NEBL: variants seen among roughly 807,000 people sequenced by gnomAD.
NEBL encodes LIM and SH3 protein 2.
A neutral mutation model predicts 140.2 loss-of-function variants in NEBL; 122 were observed. That is an observed-to-expected ratio of 0.87 (90% confidence interval 0.75 to 1.01). The LOEUF (loss-of-function observed/expected upper bound fraction) is 1.01, where lower values mean the gene tolerates loss of function less well. Ranked by LOEUF, NEBL falls within the 50% of genes least tolerant of loss-of-function variation. The pLI, the probability that NEBL is intolerant of heterozygous loss-of-function variation, is 0.00. For missense variants in NEBL, 1,365 were observed against 1,231.3 expected (o/e 1.11, Z -1.62); for synonymous variants, 436 against 398.9 (o/e 1.09, Z -1.11).
chr10:21,096,310 T>C (rs992103877), intron 2 of NEBL, among the ~76,000 whole-genome samples: 1 of 152,188 alleles, frequency 6.6e-6, no homozygotes, highest in Admixed American at 6.5e-5. Flanking sequence ...CCTTGTTGGA[T>C]ATACATGGAA....
intron 3 of NEBL, among the ~76,000 whole-genome samples, chr10:21,000,191 G>C (rs1445866252): frequency 8.5e-6 from 1 of 117,850 alleles, no homozygotes; most frequent in Non-Finnish European, 1.7e-5. Flanking sequence ...GGGGGATAGA[G>C]GGGGAATAGA....
intron 3 of NEBL, among the ~76,000 whole-genome samples, chr10:21,011,208 A>T (rs1005425925): frequency 9.9e-5 from 15 of 152,206 alleles, no homozygotes; most frequent in Non-Finnish European, 7.4e-5. Flanking sequence ...AGTGGCAGGG[A>T]CAGGGGGAGA....
In NEBL at chr10:21,065,637, C is replaced by G. The variant is rs533087215; in HGVS notation, c.165-45436G>C. ...CAAAACCTGTCACATCCACCTCTAG[C>G]ATCTTCACACAAAGCCAGTGGCATT... On this transcript the variant is annotated intron_variant, in intron 2 of 6. Coordinates refer to the NEBL transcript ENST00000417816. Among the ~76,000 whole-genome samples, 7 of 152,340 alleles carry G rather than the reference C, an allele frequency of 4.6e-5. No homozygotes were observed. The South Asian group carries it at 1.4e-3, about 32-fold the overall frequency.
chr10:21,288,205 A>C (rs185764719), intron 1 of NEBL, among the ~76,000 whole-genome samples: 65 of 152,286 alleles, frequency 4.3e-4, no homozygotes, highest in East Asian at 9.7e-4. Flanking sequence ...CATGGTGGCT[A>C]ACACCTGTAA....
At chr10:20,794,238 C>T (rs1836287006) in intron 26 of NEBL, among the ~76,000 whole-genome samples, 1 of 152,206 alleles carries the variant, frequency 6.6e-6, no homozygotes, top group African/African-American at 2.4e-5. Flanking sequence ...AGGAAGTGTA[C>T]AGCCTAAAAT....
chr10:21,218,851 C>T (rs1006192478), intron 3 of NEBL, among the ~76,000 whole-genome samples: 7 of 152,158 alleles, frequency 4.6e-5, no homozygotes, highest in Non-Finnish European at 1.0e-4. Flanking sequence ...AGAAAGCTAA[C>T]GGGAGATAAG....
chr10:21,194,848 C>G (rs1394746674), intron 3 of NEBL, among the ~76,000 whole-genome samples: 1 of 139,778 alleles, frequency 7.2e-6, no homozygotes, highest in African/African-American at 2.6e-5. Context: ...AATACTAATA[C>G]ACAGAGCTAT....
At chr10:20,809,950 G>GAAAAAAAAA (rs200571909) in intron 24 of NEBL, 52 bp from the exon 25 acceptor site, 4 of 683,192 alleles carry the variant, frequency 5.9e-6, no homozygotes, top group African/African-American at 2.5e-5. Context: ...TTTAAAAAAG[G>GAAAAAAAAA]AAAAAAAAAA....
intron 2 of NEBL, among the ~76,000 whole-genome samples, chr10:21,076,847 T>C (rs537555103): frequency 1.6e-4 from 24 of 152,134 alleles, no homozygotes; most frequent in South Asian, 6.2e-4. Flanking sequence ...AGGACTTGAA[T>C]GGATATTTCT....
intron 1 of NEBL, among the ~76,000 whole-genome samples, chr10:21,261,608 T>A (rs1158263600): frequency 6.7e-6 from 1 of 150,072 alleles, no homozygotes; most frequent in Non-Finnish European, 1.5e-5. Flanking sequence ...GACCACACCA[T>A]TGCACACCAT....
At chr10:21,063,186 C>T (rs1485275251) in intron 2 of NEBL, among the ~76,000 whole-genome samples, 26 of 152,094 alleles carry the variant, frequency 1.7e-4, no homozygotes, top group Non-Finnish European at 3.8e-4. Context: ...CCCTCTTAAC[C>T]CCATGCACAC....
At chr10:21,217,050 C>A (rs182622336) in intron 3 of NEBL, among the ~76,000 whole-genome samples, 31 of 152,164 alleles carry the variant, frequency 2.0e-4, no homozygotes, top group African/African-American at 6.5e-4. Context: ...GAACACAATA[C>A]CCCTGGGAAG....
chr10:21,075,368 G>A (rs1018008996), intron 2 of NEBL, among the ~76,000 whole-genome samples: 3 of 152,154 alleles, frequency 2.0e-5, no homozygotes, highest in African/African-American at 7.2e-5. Context: ...GGGAGAAGCT[G>A]TAAATGAAGA....
At chr10:21,126,051 C>T in intron 2 of NEBL, 7 of 1,614,190 alleles carry the variant, frequency 4.3e-6, no homozygotes, top group Non-Finnish European at 5.9e-6. Context: ...AGCTTTGCAG[C>T]CTTCTGGTCT....
At chr10:21,149,731 G>A (rs1291847528) in intron 2 of NEBL, among the ~76,000 whole-genome samples, 1 of 152,232 alleles carries the variant, frequency 6.6e-6, no homozygotes, top group Non-Finnish European at 1.5e-5. Flanking sequence ...CACAGATAAA[G>A]CCAACTGGAG....
chr10:20,782,853 C>T lies in NEBL; in HGVS notation c.*2894G>A, dbSNP rs1228435360. The T allele has an allele frequency of 1.3e-5, 2 of 152,600 alleles. No individual in the cohort carries two copies. Among genetic ancestry groups the T allele is most frequent in the African/African-American group, 2.4e-5 (1 of 41,448 alleles). The allele number at this position is 152,600 out of a possible 1,614,324, so 9.5% of individuals were successfully genotyped here. A position where few individuals can be genotyped will look rare whatever the true frequency, so the allele number is the denominator to read the frequency against. On this transcript the variant is annotated 3_prime_UTR_variant, in exon 28 of 28. Coordinates refer to ENST00000377122, the MANE Select transcript of NEBL (RefSeq NM_006393.3). The stretch of plus-strand genomic sequence containing the variant: ...AGAGAACAAGAATTATTAGTAAAAA[C>T]ATGTACTACAAAAGCTTACAACAAA...
At chr10:21,195,811 C>G (rs1460005173) in intron 3 of NEBL, among the ~76,000 whole-genome samples, 2 of 152,102 alleles carry the variant, frequency 1.3e-5, no homozygotes, top group African/African-American at 4.8e-5. Flanking sequence ...CCAAAATATA[C>G]TACAATCCAA....
At chr10:21,196,960 C>A (rs891522726) in intron 3 of NEBL, among the ~76,000 whole-genome samples, 1 of 152,106 alleles carries the variant, frequency 6.6e-6, no homozygotes, top group Non-Finnish European at 1.5e-5. Context: ...TCATGAAGTG[C>A]GAATTTTTTT....
upstream of NEBL, among the ~76,000 whole-genome samples, chr10:21,179,007 T>G (rs1454172765): frequency 6.6e-6 from 1 of 152,232 alleles, no homozygotes; most frequent in Non-Finnish European, 1.5e-5. Context: ...AAAGGGACTT[T>G]GCAGATGTGA....
Sources: allele counts gnomAD v4.1 joint callset (sites outside exome capture counted in the v4.1 genomes callset), GRCh38; gene constraint gnomAD v4.1.1; transcripts MANE v1.5; gene names NCBI Gene and HGNC (gene_info 2026-07-23, HGNC 2026-07-21).